RAB10: variants seen among roughly 807,000 people sequenced by gnomAD.
RAB10 encodes ras-related protein Rab-10.
A neutral mutation model predicts 25.7 loss-of-function variants in RAB10; 5 were observed. The observed-to-expected ratio is 0.19, with a 90% CI of 0.10 to 0.41. RAB10 has a LOEUF of 0.41. RAB10 is among the 10% of genes least tolerant of loss of function. The pLI is 1.00. For missense variants in RAB10, 103 were observed against 245.8 expected, an observed-to-expected ratio of 0.42 and a Z score of 3.89; for synonymous variants, 89 against 86.4, an observed-to-expected ratio of 1.03 and a Z score of -0.16.
At chr2:26,061,092 C>CTTTTTTTTTTTT (rs5829993) in intron 1 of RAB10, among the ~76,000 whole-genome samples, 44 of 83,628 alleles carry the variant, frequency 5.3e-4, no homozygotes, top group Non-Finnish European at 6.3e-4. Flanking sequence ...TTATCTCTGT[C>CTTTTTTTTTTTT]TTTTTTTTTT....
rs138129645 is a variant in RAB10 at position 26,074,831 on chromosome 2, T to C, written c.128-23831T>C. ...TGCCTGAATAAGTTACTTAACTTCC[T>C]TCTGCCTTCGTTTTTCTCATCTATA... On this transcript the variant is annotated intron_variant, in intron 1 of 5. Coordinates refer to ENST00000264710, the MANE Select transcript of RAB10 (RefSeq NM_016131.5). 1.8e-3 allele frequency among the ~76,000 whole-genome samples: 273 copies of C among 152,358 alleles called. 1 individual carries two copies. The highest frequency in any genetic ancestry group is 6.4e-3 in the African/African-American group (265 of 41,590).
At position 26,096,484 on chromosome 2, in the gene RAB10, G is replaced by A. The variant is rs563154237; in HGVS notation, c.128-2178G>A. Among the ~76,000 whole-genome samples the A allele has an allele frequency of 4.3e-4, 65 of 152,128 alleles. 2 individuals carry two copies. In the South Asian group the frequency reaches 0.013, roughly 30 times the overall value. On this transcript the variant is annotated intron_variant, in intron 1 of 5. Transcript: ENST00000264710. ...TGGATCTTCTAGTAATGTTTAGTTT[G>A]CGGCTTATGCCTTTTTCTGGATTGA...
At position 26,083,653 on chromosome 2, in the gene RAB10, G is replaced by T. The variant is rs552212880; in HGVS notation, c.128-15009G>T. Among the ~76,000 whole-genome samples, 13 of 152,146 alleles carry T rather than the reference G, an allele frequency of 8.5e-5. No individual in the cohort carries two copies. The South Asian group carries it at 2.7e-3, about 32-fold the overall frequency. On this transcript the variant is annotated intron_variant, in intron 1 of 5. Coordinates refer to ENST00000264710, the MANE Select transcript of RAB10 (RefSeq NM_016131.5). ...TAATTTTTTGTATGCTAGTAGCTGG[G>T]ATTACAGGTGTGTGCCACCACACTG...
intron 1 of RAB10, among the ~76,000 whole-genome samples, chr2:26,053,449 C>T (rs1170393682): frequency 1.3e-5 from 2 of 152,168 alleles, no homozygotes; most frequent in Non-Finnish European, 2.9e-5. Flanking sequence ...CAATCTTATG[C>T]TCTTGATGGA....
chr2:26,094,511 G>C (rs374628343), intron 1 of RAB10, among the ~76,000 whole-genome samples: 2 of 151,858 alleles, frequency 1.3e-5, no homozygotes, highest in African/African-American at 4.8e-5. Context: ...CTCAGCCTCT[G>C]AACGTGCTGG....
At chr2:26,033,713 C>A (rs917765484), upstream of RAB10, among the ~76,000 whole-genome samples, 1 of 152,224 alleles carries the variant, frequency 6.6e-6, no homozygotes, top group Admixed American at 6.5e-5. Context: ...GCAGCGCAGT[C>A]CAGCGGGAGA....
intron 1 of RAB10, among the ~76,000 whole-genome samples, chr2:26,064,331 G>A (rs1255359976): frequency 6.6e-6 from 1 of 152,006 alleles, no homozygotes; most frequent in Non-Finnish European, 1.5e-5. Flanking sequence ...TTTTTGTAGA[G>A]TGTTTGTTTT....
rs149742421 is a variant in RAB10, at chr2:26,073,977, A to G, written c.128-24685A>G. On this transcript the variant is annotated intron_variant, in intron 1 of 5. Coordinates refer to ENST00000264710, the MANE Select transcript of RAB10 (RefSeq NM_016131.5). ...AGAGCAATGAGAAATCAGGTTGAAT[A>G]TGTAGACCAGGGGCAGTTTATGTGG... Among the ~76,000 whole-genome samples, 22 of 152,340 alleles carry G rather than the reference A, an allele frequency of 1.4e-4. No individual in the cohort carries two copies. In the East Asian group the frequency reaches 1.9e-3, roughly 13 times the overall value.
chr2:26,065,436 TC>T (rs1483275087), intron 1 of RAB10, among the ~76,000 whole-genome samples: 1 of 152,180 alleles, frequency 6.6e-6, no homozygotes, highest in African/African-American at 2.4e-5. Flanking sequence ...ATTTGGCACT[TC>T]CCTGTTTGCA....
At chr2:26,077,977 T>TA (rs1027595735) in intron 1 of RAB10, among the ~76,000 whole-genome samples, 19 of 150,294 alleles carry the variant, frequency 1.3e-4, no homozygotes, top group Admixed American at 3.3e-4. Context: ...AGACTCCGTC[T>TA]AAAAAAAAAT....
At chr2:26,109,279 A>G (rs1409848915) in intron 2 of RAB10, among the ~76,000 whole-genome samples, 1 of 152,240 alleles carries the variant, frequency 6.6e-6, no homozygotes, top group African/African-American at 2.4e-5. Flanking sequence ...ATAAAAGAGC[A>G]AAATGATGAT....
intron 1 of RAB10, among the ~76,000 whole-genome samples, chr2:26,040,188 G>GTCAC (rs1375540390): frequency 1.3e-5 from 2 of 152,132 alleles, no homozygotes; most frequent in Non-Finnish European, 2.9e-5. Context: ...ATCTCACTCT[G>GTCAC]TCACCCAACT....
chr2:26,103,843 T>A (rs1177666200), intron 2 of RAB10, among the ~76,000 whole-genome samples: 1 of 152,196 alleles, frequency 6.6e-6, no homozygotes, highest in Non-Finnish European at 1.5e-5. Context: ...ATATATGGTC[T>A]TTTGTGACTA....
At chr2:26,063,547 G>A (rs1340605304) in intron 1 of RAB10, among the ~76,000 whole-genome samples, 1 of 152,002 alleles carries the variant, frequency 6.6e-6, no homozygotes, top group African/African-American at 2.4e-5. Context: ...TCTTACATAA[G>A]CACAGTATCA....
At chr2:26,039,965 G>T (rs1665849891) in intron 1 of RAB10, among the ~76,000 whole-genome samples, 1 of 152,106 alleles carries the variant, frequency 6.6e-6, no homozygotes, top group African/African-American at 2.4e-5. Context: ...ATTATGTAAT[G>T]AAAAAATAAA....
chr2:26,094,263 G>C (rs1406259248), intron 1 of RAB10, among the ~76,000 whole-genome samples: 2 of 149,424 alleles, frequency 1.3e-5, no homozygotes, highest in Admixed American at 1.3e-4. Context: ...TTCATTTTAT[G>C]TTTTTGAGAC....
At chr2:26,077,297 T>C (rs1357962926) in intron 1 of RAB10, among the ~76,000 whole-genome samples, 2 of 152,220 alleles carry the variant, frequency 1.3e-5, no homozygotes, top group African/African-American at 4.8e-5. Flanking sequence ...AATTTCTTAT[T>C]CTGGTGGAGT....
In RAB10 at chr2:26,034,591, C is replaced by G. The variant is rs748664668; in HGVS notation, c.-18C>G. 2 of 1,612,560 alleles carry G rather than the reference C, an allele frequency of 1.2e-6. No individual in the cohort carries two copies. Among genetic ancestry groups the G allele is most frequent in the Admixed American group, 3.3e-5 (2 of 60,022 alleles). ...CCCTTGGGGCCGCCGGCGGCGAGAG[C>G]CCGAGCCGCTCCTCCCAATGGCGAA... On this transcript the variant is annotated 5_prime_UTR_variant, in exon 1 of 6. Transcript: ENST00000264710.
Position 26,088,612 on chromosome 2 carries a change from G to GC in RAB10, c.128-10050_128-10049insC, listed in dbSNP as rs1553727065. Among the ~76,000 whole-genome samples, 43 of 151,478 alleles carry GC rather than the reference G, an allele frequency of 2.8e-4. 1 individual carries two copies. Among genetic ancestry groups the GC allele is most frequent in the African/African-American group, 8.7e-4 (36 of 41,232 alleles). ...ACCCTGTTCATCTTTAGTTTAACTT[G>GC]TCCCCCCACCAAGTTGGAGTCTTGC... On this transcript the variant is annotated intron_variant, in intron 1 of 5. Coordinates refer to ENST00000264710, the MANE Select transcript of RAB10 (RefSeq NM_016131.5).
Sources: gnomAD v4.1 joint callset for allele counts (sites outside exome capture counted in the v4.1 genomes callset) on GRCh38, gnomAD v4.1.1 for gene constraint, MANE v1.5 for transcripts, NCBI Gene and HGNC (gene_info 2026-07-23, HGNC 2026-07-21) for gene names.